FAM169A: variants seen among roughly 807,000 people sequenced by gnomAD.
FAM169A encodes the protein soluble lamin-associated protein of 75 kDa.
FAM169A carries 24 observed loss-of-function variants against 75.7 expected under a neutral mutation model. That is an observed-to-expected ratio of 0.32 (90% CI 0.23 to 0.45). The LOEUF (loss-of-function observed/expected upper bound fraction) is 0.45. Among genes scored for constraint, FAM169A ranks in the 20% least tolerant of loss-of-function variants. FAM169A has a pLI of 1.00. For synonymous variants in FAM169A, 271 were observed against 271.0 expected, an observed-to-expected ratio of 1.00 and a Z score of 0.00; for missense variants, 673 against 784.0, an observed-to-expected ratio of 0.86 and a Z score of 1.69.
intron 1 of FAM169A, among the ~76,000 whole-genome samples, chr5:74,846,159 C>T (rs576582703): frequency 1.5e-4 from 23 of 152,232 alleles, no homozygotes; most frequent in African/African-American, 3.1e-4. Context: ...TTTATTATAC[C>T]ATATCATTGG....
intron 6 of FAM169A, among the ~76,000 whole-genome samples, chr5:74,809,800 C>T (rs1157915936): frequency 6.6e-6 from 1 of 152,170 alleles, no homozygotes. Flanking sequence ...CCACTTACTA[C>T]TAGGAATGAT....
Position 74,792,534 on chromosome 5 carries a change from C to T in FAM169A, c.1260+3496G>A, listed in dbSNP as rs1291380432. Among the ~76,000 whole-genome samples the T allele has an allele frequency of 2.0e-5, 3 of 152,230 alleles. No homozygotes were observed. The South Asian group carries it at 6.2e-4, about 32-fold the overall frequency. On this transcript the variant is annotated intron_variant, in intron 11 of 12. Coordinates refer to ENST00000687041, the MANE Select transcript of FAM169A (RefSeq NM_001376049.1). ...ACTGGCTTCCTTGCTTCCTTGCTCC[C>T]TTGCTCCCTTGCTCCCCACCTTGCA... is the stretch of plus-strand genomic sequence containing the variant.
rs368441510 is a variant in FAM169A, at chr5:74,843,900, C to A, written c.-3-2221G>T. 1.2e-4 allele frequency among the ~76,000 whole-genome samples: 18 copies of A among 152,266 alleles called. No individual in the cohort carries two copies. The East Asian group carries it at 2.7e-3, about 23-fold the overall frequency. ...TATATACCCAGGCTAACCAATGTTACTGAAAGTGAGACAACCCTACTGCAT... is the reference window on the plus strand; with the variant it reads ...TATATACCCAGGCTAACCAATGTTAATGAAAGTGAGACAACCCTACTGCAT... On this transcript the variant is annotated intron_variant, in intron 1 of 12. Transcript: ENST00000687041.
At chr5:74,797,800 T>C (rs989652307) in intron 10 of FAM169A, among the ~76,000 whole-genome samples, 2 of 151,044 alleles carry the variant, frequency 1.3e-5, no homozygotes, top group Admixed American at 1.3e-4. Flanking sequence ...AACCTTTCCT[T>C]TAGGCATCGT....
At chr5:74,855,210 T>C (rs975489211) in intron 1 of FAM169A, among the ~76,000 whole-genome samples, 1 of 152,156 alleles carries the variant, frequency 6.6e-6, no homozygotes, top group Non-Finnish European at 1.5e-5. Flanking sequence ...TTTGCTTTTG[T>C]TTTTCAGACA....
At chr5:74,862,642 T>C (rs998261173) in intron 1 of FAM169A, among the ~76,000 whole-genome samples, 23 of 152,204 alleles carry the variant, frequency 1.5e-4, no homozygotes, top group African/African-American at 5.1e-4. Context: ...ACTTTGCACA[T>C]TCATGTTTTT....
chr5:74,824,135 T>A (rs1301019842), intron 5 of FAM169A, among the ~76,000 whole-genome samples: 1 of 152,188 alleles, frequency 6.6e-6, no homozygotes, highest in Non-Finnish European at 1.5e-5. Context: ...TTCCTGGTAT[T>A]GGTCACAAAT....
At chr5:74,785,205 G>A (rs1054061082) in intron 11 of FAM169A, among the ~76,000 whole-genome samples, 2 of 151,948 alleles carry the variant, frequency 1.3e-5, no homozygotes, top group African/African-American at 4.8e-5. Context: ...TGTAATCCCA[G>A]GTACTCGGGA....
chr5:74,810,751 C>CA lies in FAM169A; in HGVS notation c.670+3088dup, dbSNP rs750402413. ...TGGGTGACACAGTGAGACTCCGTCT[C>CA]AAAAAAAAAAAAAAAAAAAAAAAGT... is the stretch of plus-strand genomic sequence containing the variant. On this transcript the variant is annotated intron_variant, in intron 6 of 12. Transcript: ENST00000687041. Among the ~76,000 whole-genome samples, 110 of 52,522 alleles carry CA rather than the reference C, an allele frequency of 2.1e-3. 1 individual carries two copies. Among genetic ancestry groups the CA allele is most frequent in the East Asian group, 0.014 (22 of 1,626 alleles). The allele number at this position is 52,522 out of a possible 152,430, so 34.5% of individuals were successfully genotyped here. A position where few individuals can be genotyped will look rare whatever the true frequency, so the allele number is the denominator to read the frequency against.
chr5:74,820,259 G>T (rs1747706889), intron 5 of FAM169A, among the ~76,000 whole-genome samples: 1 of 152,028 alleles, frequency 6.6e-6, no homozygotes, highest in African/African-American at 2.4e-5. Flanking sequence ...GCCTCCCAAA[G>T]TGTTGGGATT....
At position 74,780,805 on chromosome 5, in the gene FAM169A, T is replaced by C. The variant is rs916657925; in HGVS notation, c.*655A>G. The C allele has an allele frequency of 3.9e-5, 6 of 152,202 alleles. No individual in the cohort carries two copies. Among genetic ancestry groups the C allele is most frequent in the African/African-American group, 9.6e-5 (4 of 41,454 alleles). The allele number at this position is 152,202 out of a possible 1,614,324, so 9.4% of individuals were successfully genotyped here. On this transcript the variant is annotated 3_prime_UTR_variant, in exon 13 of 13. Transcript: ENST00000687041. The stretch of plus-strand genomic sequence containing the variant: ...TGACAGTACTGTTAACATCAGATGA[T>C]AGAATGAATCAGAAACAGATTTTAT...
At chr5:74,801,730 C>A in intron 8 of FAM169A, 101 bp from the exon 9 acceptor site, 2 of 827,622 alleles carry the variant, frequency 2.4e-6, no homozygotes, top group Non-Finnish European at 4.0e-6. Context: ...AAAATGTTTT[C>A]CAAATAGCAC....
At chr5:74,792,412 T>C (rs1157167333) in intron 11 of FAM169A, among the ~76,000 whole-genome samples, 1 of 152,170 alleles carries the variant, frequency 6.6e-6, no homozygotes, top group Non-Finnish European at 1.5e-5. Context: ...ATGGAGAGAT[T>C]AGACTGGCTT....
intron 1 of FAM169A, among the ~76,000 whole-genome samples, chr5:74,844,931 G>C (rs966892348): frequency 1.2e-4 from 18 of 152,256 alleles, no homozygotes; most frequent in African/African-American, 4.1e-4. Context: ...TACCTAGTTG[G>C]CATTTACCCA....
intron 5 of FAM169A, 92 bp from the exon 6 acceptor site, chr5:74,814,111 GTTT>G (rs752742476): frequency 4.3e-5 from 45 of 1,046,520 alleles, no homozygotes; most frequent in Non-Finnish European, 5.7e-5. Flanking sequence ...TCTAAAAAAA[GTTT>G]TCTTCTATAT....
At chr5:74,857,108 C>CAAA (rs772315121) in intron 1 of FAM169A, among the ~76,000 whole-genome samples, 43 of 67,800 alleles carry the variant, frequency 6.3e-4, no homozygotes, top group East Asian at 1.7e-3. Context: ...GACTCCACCT[C>CAAA]AAAAAAAAAA....
intron 5 of FAM169A, among the ~76,000 whole-genome samples, chr5:74,828,922 T>C (rs1475272775): frequency 2.0e-5 from 3 of 152,128 alleles, no homozygotes. Flanking sequence ...TGCCTACCAC[T>C]AGCAATATAA....
chr5:74,861,069 T>G (rs7708203), intron 1 of FAM169A, among the ~76,000 whole-genome samples: 53,695 of 152,062 alleles, frequency 0.35, 12,484 homozygotes, highest in African/African-American at 0.66. Flanking sequence ...CCCAAGAGGC[T>G]GACCTTGCGG....
chr5:74,866,503 C>G (rs973956413), upstream of FAM169A: 1 of 643,712 alleles, frequency 1.6e-6, no homozygotes, highest in Non-Finnish European at 1.9e-6. Flanking sequence ...GCCCTGCCTC[C>G]CTCCAGCCCC....
Sources: gnomAD v4.1 joint callset for allele counts (sites outside exome capture counted in the v4.1 genomes callset) on GRCh38, gnomAD v4.1.1 for gene constraint, MANE v1.5 for transcripts, NCBI Gene and HGNC (gene_info 2026-07-23, HGNC 2026-07-21) for gene names.